The following HAPLN1 variants were observed in gnomAD, a reference collection of about 807,000 sequenced individuals.
HAPLN1 encodes hyaluronan and proteoglycan link protein 1.
HAPLN1 carries 13 observed loss-of-function variants against 36.5 expected under a neutral mutation model. The ratio of observed to expected loss-of-function variants is 0.36; its 90% CI spans 0.23 to 0.57. HAPLN1 has a LOEUF of 0.57. Ranked by LOEUF, HAPLN1 falls within the 20% of genes least tolerant of loss-of-function variation. The probability of loss-of-function intolerance (pLI) is 0.83; values close to 1 mark genes in which losing one functional copy is unlikely to be tolerated. For synonymous variants in HAPLN1, 202 were observed against 169.8 expected, an observed-to-expected ratio of 1.19 and a Z score of -1.48; for missense variants, 407 against 439.7, an observed-to-expected ratio of 0.93 and a Z score of 0.66.
At position 83,638,246 on chromosome 5, in the gene HAPLN1, C is replaced by G. The variant is rs1298215947; in HGVS notation, c.*3250G>C. On this transcript the variant is annotated 3_prime_UTR_variant, in exon 5 of 5. Coordinates refer to ENST00000274341, the MANE Select transcript of HAPLN1 (RefSeq NM_001884.4). ...TAATGTACCAGTTCATTGTATCTTA[C>G]AGAAAATCAAAACATTTTTTTTTTG... 1 of 150,714 alleles carries G rather than the reference C, an allele frequency of 6.6e-6. No homozygotes were observed. The highest frequency in any genetic ancestry group is 1.5e-5 in the Non-Finnish European group (1 of 67,864). 9.3% of individuals were successfully genotyped at this position (150,714 alleles called of 1,614,324 possible). A position where few individuals can be genotyped will look rare whatever the true frequency, so the allele number is the denominator to read the frequency against.
At chr5:83,694,464 T>C (rs982488924) in intron 1 of HAPLN1, among the ~76,000 whole-genome samples, 39 of 151,906 alleles carry the variant, frequency 2.6e-4, no homozygotes, top group African/African-American at 9.2e-4. Flanking sequence ...AAACAAAAGA[T>C]GGTTCTTTGA....
intron 1 of HAPLN1, among the ~76,000 whole-genome samples, chr5:83,716,137 T>C (rs1031084961): frequency 6.6e-6 from 1 of 152,176 alleles, no homozygotes; most frequent in African/African-American, 2.4e-5. Context: ...AGAGTATGAA[T>C]GAAGACAAAA....
chr5:83,678,220 G>GGTGTGTGTGTGT (rs56962854), intron 1 of HAPLN1, among the ~76,000 whole-genome samples: 10,830 of 142,394 alleles, frequency 0.076, 466 homozygotes, highest in East Asian at 0.18. Flanking sequence ...CTATAGTTTG[G>GGTGTGTGTGTGT]GTGTGTGTGT....
Position 83,638,093 on chromosome 5 carries a change from A to G in HAPLN1, c.*3403T>C, listed in dbSNP as rs1749567842. ...TTTACAATTTGAAGTCAAATGTATCAGAACAAGAATGAATTAAATGCCTTT... is the reference window on the plus strand; with the variant it reads ...TTTACAATTTGAAGTCAAATGTATCGGAACAAGAATGAATTAAATGCCTTT... On this transcript the variant is annotated 3_prime_UTR_variant, in exon 5 of 5. Transcript: ENST00000274341. 1 of 151,788 alleles carries G rather than the reference A, an allele frequency of 6.6e-6. No homozygotes were observed. The highest frequency in any genetic ancestry group is 2.1e-4 in the South Asian group (1 of 4,828). 9.4% of individuals were successfully genotyped at this position (151,788 alleles called of 1,614,324 possible).
At chr5:83,661,500 A>C (rs1022747212) in intron 2 of HAPLN1, among the ~76,000 whole-genome samples, 1 of 122,140 alleles carries the variant, frequency 8.2e-6, no homozygotes, top group Non-Finnish European at 1.6e-5. Context: ...GCCGGAGTGC[A>C]GTGGCGCGAT....
chr5:83,674,008 C>T (rs575248899), intron 1 of HAPLN1: 2 of 152,912 alleles, frequency 1.3e-5, no homozygotes, highest in Admixed American at 1.3e-4. Context: ...TGAAACTTGA[C>T]ATCGTCATTC....
intron 1 of HAPLN1, among the ~76,000 whole-genome samples, chr5:83,709,569 T>G (rs1279971252): frequency 6.6e-6 from 1 of 152,172 alleles, no homozygotes; most frequent in Admixed American, 6.5e-5. Flanking sequence ...TGCATGATGC[T>G]GAGGTTTGGG....
At chr5:83,656,216 T>G (rs1351813790) in intron 2 of HAPLN1, among the ~76,000 whole-genome samples, 2 of 150,282 alleles carry the variant, frequency 1.3e-5, no homozygotes, top group Non-Finnish European at 3.0e-5. Flanking sequence ...TAGTCCCAGC[T>G]ACTCGGGAGG....
At chr5:83,646,192 G>A (rs1443256392) in intron 3 of HAPLN1, among the ~76,000 whole-genome samples, 1 of 152,192 alleles carries the variant, frequency 6.6e-6, no homozygotes, top group African/African-American at 2.4e-5. Flanking sequence ...AAGGACTAAT[G>A]TGTCAAAGTA....
intron 1 of HAPLN1, among the ~76,000 whole-genome samples, chr5:83,707,823 A>G (rs757902792): frequency 3.6e-4 from 55 of 152,102 alleles, no homozygotes; most frequent in Non-Finnish European, 7.4e-4. Flanking sequence ...ATGTTTGCAA[A>G]CTATACATCT....
chr5:83,648,582 C>A (rs1169087724), intron 3 of HAPLN1, among the ~76,000 whole-genome samples: 3 of 150,626 alleles, frequency 2.0e-5, no homozygotes, highest in African/African-American at 7.3e-5. Flanking sequence ...TAGTAAAATT[C>A]TTTAGTGTAA....
intron 1 of HAPLN1, among the ~76,000 whole-genome samples, chr5:83,708,325 T>C (rs1478026261): frequency 2.0e-5 from 3 of 152,166 alleles, no homozygotes; most frequent in Non-Finnish European, 2.9e-5. Context: ...TGCCCATTAA[T>C]GACAGACTAA....
chr5:83,654,966 G>A (rs899917772), intron 2 of HAPLN1, among the ~76,000 whole-genome samples: 24 of 152,168 alleles, frequency 1.6e-4, no homozygotes, highest in African/African-American at 4.6e-4. Context: ...TGACCAATAC[G>A]AGGTGTACAC....
intron 1 of HAPLN1, among the ~76,000 whole-genome samples, chr5:83,697,553 C>A (rs1481742328): frequency 3.3e-5 from 5 of 152,110 alleles, no homozygotes; most frequent in African/African-American, 7.2e-5. Flanking sequence ...TGGGCCTTAT[C>A]TACCAAGCGA....
intron 1 of HAPLN1, among the ~76,000 whole-genome samples, chr5:83,688,355 T>C (rs1253621975): frequency 1.3e-5 from 2 of 152,192 alleles, no homozygotes; most frequent in African/African-American, 2.4e-5. Context: ...TATCCCGATG[T>C]AGCAGCAGAG....
At chr5:83,678,786 A>C (rs1261827133) in intron 1 of HAPLN1, among the ~76,000 whole-genome samples, 1 of 152,252 alleles carries the variant, frequency 6.6e-6, no homozygotes, top group Non-Finnish European at 1.5e-5. Context: ...GCAGTAAAAA[A>C]GTAGCAAATG....
At position 83,641,484 on chromosome 5, in the gene HAPLN1, C is replaced by A; in HGVS notation, c.*12G>T. The A allele has an allele frequency of 1.3e-6, 2 of 1,582,326 alleles. No individual in the cohort carries two copies. The highest frequency in any genetic ancestry group is 1.7e-6 in the Non-Finnish European group (2 of 1,161,078). The stretch of plus-strand genomic sequence containing the variant: ...TTAATGACTTTAAAACTGATGCGCT[C>A]TAAGGGCACATTCAGTTGTATGCTC... On this transcript the variant is annotated 3_prime_UTR_variant, in exon 5 of 5. Transcript: ENST00000274341.
chr5:83,668,927 C>A (rs336956), intron 2 of HAPLN1, among the ~76,000 whole-genome samples: 56,738 of 152,042 alleles, frequency 0.37, 10,806 homozygotes, highest in East Asian at 0.55. Context: ...GCCAGCGGTT[C>A]TGGATAGACT....
intron 1 of HAPLN1, among the ~76,000 whole-genome samples, chr5:83,717,697 G>A (rs1320210810): frequency 6.6e-6 from 1 of 152,104 alleles, no homozygotes; most frequent in South Asian, 2.1e-4. Context: ...TCCTTCAAGT[G>A]GTGGTTTTCC....
Sources: gnomAD v4.1 joint callset for allele counts (sites outside exome capture counted in the v4.1 genomes callset) on GRCh38, gnomAD v4.1.1 for gene constraint, MANE v1.5 for transcripts, NCBI Gene and HGNC (gene_info 2026-07-23, HGNC 2026-07-21) for gene names.